The following EHBP1 variants were observed in gnomAD, a reference collection of about 807,000 sequenced individuals.
EHBP1 encodes EH domain-binding protein 1.
Under a neutral mutation model 144.0 loss-of-function variants are expected in EHBP1, and 55 were observed. The observed-to-expected ratio is 0.38, with a 90% CI of 0.31 to 0.48. The LOEUF is 0.48. Among genes scored for constraint, EHBP1 ranks in the 20% least tolerant of loss-of-function variants. The pLI is 0.98. For missense variants in EHBP1, 1,200 were observed against 1,364.2 expected, an observed-to-expected ratio of 0.88 and a Z score of 1.90; for synonymous variants, 469 against 472.7, an observed-to-expected ratio of 0.99 and a Z score of 0.10.
At chr2:62,769,413 C>G (rs569675970) in intron 4 of EHBP1, among the ~76,000 whole-genome samples, 1 of 151,778 alleles carries the variant, frequency 6.6e-6, no homozygotes, top group Non-Finnish European at 1.5e-5. Flanking sequence ...TTATAATTGC[C>G]CCAAAAATAA....
chr2:62,967,813 CT>C (rs777685626), intron 14 of EHBP1, among the ~76,000 whole-genome samples: 27 of 152,228 alleles, frequency 1.8e-4, no homozygotes, highest in Admixed American at 1.8e-3. Context: ...AAGAACACTT[CT>C]TCCTATGTTG....
At chr2:62,932,247 G>C (rs745924461) in intron 10 of EHBP1, among the ~76,000 whole-genome samples, 15 of 151,060 alleles carry the variant, frequency 9.9e-5, no homozygotes, top group Non-Finnish European at 2.1e-4. Flanking sequence ...ATTGAAAACA[G>C]AGTCTAGAAG....
intron 2 of EHBP1, among the ~76,000 whole-genome samples, chr2:62,742,525 A>G (rs543007967): frequency 1.3e-5 from 2 of 152,240 alleles, no homozygotes; most frequent in African/African-American, 4.8e-5. Context: ...GTAGAAAAAA[A>G]TGAGTGGTCT....
chr2:62,774,085 C>G (rs1356281683), intron 5 of EHBP1, among the ~76,000 whole-genome samples: 1 of 151,526 alleles, frequency 6.6e-6, no homozygotes, highest in Non-Finnish European at 1.5e-5. Flanking sequence ...ATTAAATATT[C>G]TTAGGCTGGG....
At chr2:62,956,736 A>T (rs1416144104) in intron 14 of EHBP1, among the ~76,000 whole-genome samples, 2 of 151,954 alleles carry the variant, frequency 1.3e-5, no homozygotes, top group African/African-American at 2.4e-5. Flanking sequence ...GGCAAAAAAC[A>T]ACCATCTTAT....
intron 5 of EHBP1, among the ~76,000 whole-genome samples, chr2:62,793,854 TAAG>T (rs769056852): frequency 6.6e-6 from 1 of 152,080 alleles, no homozygotes; most frequent in African/African-American, 2.4e-5. Flanking sequence ...AAACATGTGT[TAAG>T]AAGGAGGAAA....
At chr2:62,920,764 G>C (rs986272973) in intron 10 of EHBP1, among the ~76,000 whole-genome samples, 1 of 151,998 alleles carries the variant, frequency 6.6e-6, no homozygotes, top group African/African-American at 2.4e-5. Flanking sequence ...CTGGGTTCAG[G>C]CAATTCTCCT....
intron 10 of EHBP1, among the ~76,000 whole-genome samples, chr2:62,896,895 T>G (rs1331746260): frequency 6.6e-6 from 1 of 152,104 alleles, no homozygotes; most frequent in East Asian, 1.9e-4. Flanking sequence ...TTTTAGTCTA[T>G]CTTATTGATC....
At chr2:62,954,826 G>A (rs2057598064) in intron 13 of EHBP1, among the ~76,000 whole-genome samples, 1 of 152,050 alleles carries the variant, frequency 6.6e-6, no homozygotes, top group Non-Finnish European at 1.5e-5. Flanking sequence ...AGAAAAAAAA[G>A]GAATTTGGAC....
At chr2:62,756,281 T>C (rs2040269742) in intron 3 of EHBP1, among the ~76,000 whole-genome samples, 1 of 152,244 alleles carries the variant, frequency 6.6e-6, no homozygotes, top group Admixed American at 6.5e-5. Context: ...CATATGAGGC[T>C]ACAGGTTGAT....
chr2:62,840,827 A>C (rs994067409), intron 7 of EHBP1, among the ~76,000 whole-genome samples: 1 of 151,982 alleles, frequency 6.6e-6, no homozygotes, highest in African/African-American at 2.4e-5. Context: ...AATCATTAAA[A>C]AGTCAGGAAA....
chr2:62,822,592 A>T (rs2046060796), intron 5 of EHBP1, among the ~76,000 whole-genome samples: 1 of 152,166 alleles, frequency 6.6e-6, no homozygotes, highest in South Asian at 2.1e-4. Flanking sequence ...AGAATTGTTG[A>T]GTTGTTAAGA....
intron 19 of EHBP1, among the ~76,000 whole-genome samples, chr2:63,010,971 TCCTTAA>T (rs933035701): frequency 1.3e-5 from 2 of 151,652 alleles, no homozygotes; most frequent in African/African-American, 4.8e-5. Context: ...AATCTAGGTT[TCCTTAA>T]AGAGGGCAAC....
At chr2:62,736,831 C>G (rs2038183127) in intron 2 of EHBP1, among the ~76,000 whole-genome samples, 1 of 152,132 alleles carries the variant, frequency 6.6e-6, no homozygotes, top group South Asian at 2.1e-4. Context: ...CCTGCCATAT[C>G]TGAATGTGGT....
Position 62,993,991 on chromosome 2 carries a change from T to C in EHBP1, c.2979+14T>C. 1 of 1,526,652 alleles carries C rather than the reference T, an allele frequency of 6.6e-7. No individual in the cohort carries two copies. The highest frequency in any genetic ancestry group is 1.2e-5 in the South Asian group (1 of 82,072). 94.6% of individuals were successfully genotyped at this position (1,526,652 alleles called of 1,614,324 possible). A position where few individuals can be genotyped will look rare whatever the true frequency, so the allele number is the denominator to read the frequency against. On this transcript the variant is annotated intron_variant, in intron 18 of 22. Coordinates refer to ENST00000431489, the MANE Select transcript of EHBP1 (RefSeq NM_001142616.3). Reference sequence around the variant, plus strand: ...GAAGTGCTTAATGTATATTAATTTTTTGTGTGGTTTCATGATTGCTGATAA... The same window carrying C: ...GAAGTGCTTAATGTATATTAATTTTCTGTGTGGTTTCATGATTGCTGATAA...
chr2:62,825,154 T>C (rs534377273), intron 5 of EHBP1, among the ~76,000 whole-genome samples: 2 of 151,434 alleles, frequency 1.3e-5, no homozygotes, highest in African/African-American at 4.8e-5. Flanking sequence ...TATTTACACA[T>C]TATCCTACAT....
At position 63,042,704 on chromosome 2, in the gene EHBP1, C is replaced by T. The variant is rs958265818; in HGVS notation, c.3278-2362C>T. Among the ~76,000 whole-genome samples, 3 of 151,660 alleles carry T rather than the reference C, an allele frequency of 2.0e-5. No individual in the cohort carries two copies. The East Asian group carries it at 5.8e-4, about 29-fold the overall frequency. ...CAAAGGTTAAAATTTTCTTTAATGTCCTCTCTTATCCATTTTGTTAAAGTC... is the reference window on the plus strand; with the variant it reads ...CAAAGGTTAAAATTTTCTTTAATGTTCTCTCTTATCCATTTTGTTAAAGTC... On this transcript the variant is annotated intron_variant, in intron 21 of 22. Transcript: ENST00000431489.
At chr2:62,883,727 G>T (rs2152884596) in intron 10 of EHBP1, among the ~76,000 whole-genome samples, 1 of 152,308 alleles carries the variant, frequency 6.6e-6, no homozygotes, top group South Asian at 2.1e-4. Flanking sequence ...AGTTTGGGAG[G>T]CCGAGGCAGG....
chr2:62,769,932 TC>T (rs1425673610), intron 4 of EHBP1, among the ~76,000 whole-genome samples: 1 of 151,994 alleles, frequency 6.6e-6, no homozygotes, highest in Admixed American at 6.6e-5. Flanking sequence ...GACTCCCTAT[TC>T]AATAAATGGT....
Sources: allele counts gnomAD v4.1 joint callset (sites outside exome capture counted in the v4.1 genomes callset), GRCh38; gene constraint gnomAD v4.1.1; transcripts MANE v1.5; gene names NCBI Gene and HGNC (gene_info 2026-07-23, HGNC 2026-07-21).